Variants in HOXB9 observed in about 807,000 individuals in gnomAD.
HOXB9 encodes the protein homeobox protein Hox-B9.
Under a neutral mutation model 21.5 loss-of-function variants are expected in HOXB9, and 10 were observed. The observed-to-expected ratio is 0.47, with a 90% CI of 0.29 to 0.79. HOXB9 has a LOEUF of 0.79. HOXB9 is among the 30% of genes least tolerant of loss of function. HOXB9 has a pLI of 0.10. For synonymous variants in HOXB9, 156 were observed against 151.2 expected, an observed-to-expected ratio of 1.03 and a Z score of -0.23; for missense variants, 375 against 338.7, an observed-to-expected ratio of 1.11 and a Z score of -0.84.
chr17:48,626,337 G>A lies in HOXB9; in HGVS notation c.-68C>T, dbSNP rs2070816859. 1 of 1,503,772 alleles carries A rather than the reference G, an allele frequency of 6.6e-7. No individual in the cohort carries two copies. The highest frequency in any genetic ancestry group is 1.3e-5 in the South Asian group (1 of 78,576). The allele number at this position is 1,503,772 out of a possible 1,614,324, so 93.2% of individuals were successfully genotyped here. ...TCGCGCGGCGGCGCCCAAGCAGGGA[G>A]AGGTGGCACCCGGACCGGTGTGAGG... On this transcript the variant is annotated 5_prime_UTR_variant, in exon 1 of 2. Transcript: ENST00000311177.
Position 48,622,874 on chromosome 17 carries a change from G to A in HOXB9, c.*26C>T, listed in dbSNP as rs776846209. On this transcript the variant is annotated 3_prime_UTR_variant, in exon 2 of 2. Coordinates refer to ENST00000311177, the MANE Select transcript of HOXB9 (RefSeq NM_024017.5). Reference sequence around the variant, plus strand: ...TAAGAGTGAGATGGGGAAGAGCTAGGGAGGACTGGGGGTAATCTTTAATCT... The same window carrying A: ...TAAGAGTGAGATGGGGAAGAGCTAGAGAGGACTGGGGGTAATCTTTAATCT... 2.0e-6 allele frequency: 3 copies of A among 1,534,378 alleles called. No individual in the cohort carries two copies. The South Asian group carries it at 3.4e-5, about 17-fold the overall frequency.
rs765450450 is a variant in HOXB9 at position 48,625,870 on chromosome 17, G to T, written c.400C>A (p.Pro134Thr). Residue 134 changes from proline (P) to threonine (T), a missense_variant, in exon 1 of 2, where the codon CCC becomes ACC. Coordinates refer to ENST00000311177, the MANE Select transcript of HOXB9 (RefSeq NM_024017.5). ...GCCGAAGTTTCCAAACTGTACTCGG[G>T]CGTGCCCTGTTTGAGCAGCTCCCCA... is the stretch of plus-strand genomic sequence containing the variant. ...APGELLKQGT[P>T]EYSLETSAGR... 6 of 1,609,158 alleles carry T rather than the reference G, an allele frequency of 3.7e-6. No homozygotes were observed. Among genetic ancestry groups the T allele is most frequent in the South Asian group, 3.3e-5 (3 of 90,190 alleles).
At chr17:48,625,409 T>A (rs1008363217) in intron 1 of HOXB9, among the ~76,000 whole-genome samples, 3 of 152,008 alleles carry the variant, frequency 2.0e-5, no homozygotes, top group Admixed American at 6.5e-5. Flanking sequence ...CCCCGCCAGC[T>A]CCTCTCCCGG....
chr17:48,626,340 GT>G lies in HOXB9; in HGVS notation c.-72del. The G allele has an allele frequency of 6.7e-7, 1 of 1,490,860 alleles. No homozygotes were observed. The highest frequency in any genetic ancestry group is 9.0e-7 in the Non-Finnish European group (1 of 1,114,336). 92.4% of individuals were successfully genotyped at this position (1,490,860 alleles called of 1,614,324 possible). On this transcript the variant is annotated 5_prime_UTR_variant, in exon 1 of 2. Transcript: ENST00000311177. ...CGCGGCGGCGCCCAAGCAGGGAGAG[GT>G]GGCACCCGGACCGGTGTGAGGGCTT...
chr17:48,626,154 G>T lies in HOXB9; in HGVS notation c.116C>A (p.Pro39Gln), dbSNP rs375090647. 6.3e-7 allele frequency: 1 copy of T among 1,596,382 alleles called. No homozygotes were observed. The highest frequency in any genetic ancestry group is 8.5e-7 in the Non-Finnish European group (1 of 1,178,226). Reference sequence around the variant, plus strand: ...GAACTCCAGGTGCTCCGCGTGGCCCGGCTGCCGCGAGCTCGCGTACTGGCC... The same window carrying T: ...GAACTCCAGGTGCTCCGCGTGGCCCTGCTGCCGCGAGCTCGCGTACTGGCC... The part of the protein sequence containing the change: ...PSGQYASSRQ[P>Q]GHAEHLEFPS... Residue 39 changes from proline (P) to glutamine (Q), a missense_variant, in exon 1 of 2, where the codon CCG becomes CAG. Transcript: ENST00000311177.
intron 1 of HOXB9, among the ~76,000 whole-genome samples, chr17:48,625,373 C>T (rs893093289): frequency 5.3e-5 from 8 of 152,228 alleles, no homozygotes; most frequent in Non-Finnish European, 1.2e-4. Flanking sequence ...CGCCGGCTCT[C>T]GGCCTCGCTG....
rs771570884 is a variant in HOXB9 at position 48,626,012 on chromosome 17, G to A, written c.258C>T (p.Gly86=). 1.3e-6 allele frequency: 2 copies of A among 1,567,140 alleles called. No homozygotes were observed. The highest frequency in any genetic ancestry group is 2.3e-5 in the South Asian group (2 of 86,548). The change falls in exon 1 of 2, where the codon GGC becomes GGT. Residue 86 remains glycine (G), a synonymous_variant. Transcript: ENST00000311177. The part of the protein sequence containing the change: ...SVYHPYIQPQ[G]VPPAESRYLR... ...GGTACCTGCTCTCGGCCGGCGGGAC[G>A]CCCTGGGGCTGGATGTAAGGGTGGT...
At chr17:48,623,232 T>A in intron 1 of HOXB9, 97 bp from the exon 2 acceptor site, 1 of 962,952 alleles carries the variant, frequency 1.0e-6, no homozygotes, top group Non-Finnish European at 1.6e-6. Context: ...CATCTTGCAC[T>A]GGAGAAGAGG....
rs749246173 is a variant in HOXB9 at position 48,623,068 on chromosome 17, G to A, written c.585C>T (p.Tyr195=). 6.2e-7 allele frequency: 1 copy of A among 1,614,236 alleles called. No homozygotes were observed. Among genetic ancestry groups the A allele is most frequent in the South Asian group, 1.1e-5 (1 of 91,084 alleles). ...SRKKRCPYTK[Y]QTLELEKEFL... Reference sequence around the variant, plus strand: ...ACTCCTTCTCTAGCTCCAGCGTCTGGTATTTGGTGTAGGGACAGCGCTTTT... The same window carrying A: ...ACTCCTTCTCTAGCTCCAGCGTCTGATATTTGGTGTAGGGACAGCGCTTTT... Residue 195 remains tyrosine (Y), a synonymous_variant, in exon 2 of 2, where the codon TAC becomes TAT. Transcript: ENST00000311177.
Position 48,622,778 on chromosome 17 carries a change from G to A in HOXB9, c.*122C>T, listed in dbSNP as rs1188821019. ...GTTCTAGGTGCAGATAAAGGACTTG[G>A]AAGAGAGACTCCCTTCCCCATTCAC... is the stretch of plus-strand genomic sequence containing the variant. On this transcript the variant is annotated 3_prime_UTR_variant, in exon 2 of 2. Coordinates refer to ENST00000311177, the MANE Select transcript of HOXB9 (RefSeq NM_024017.5). 18 of 700,460 alleles carry A rather than the reference G, an allele frequency of 2.6e-5. No individual in the cohort carries two copies. The highest frequency in any genetic ancestry group is 3.4e-5 in the Non-Finnish European group (14 of 414,088). 43.4% of individuals were successfully genotyped at this position (700,460 alleles called of 1,614,324 possible).
chr17:48,621,163 T>C lies in HOXB9; in HGVS notation c.*1737A>G, dbSNP rs992351907. ...AATAAGACACAGGAGAGATTTATTTTCTAGAGTGATATATATTTTTTGTTC... is the reference window on the plus strand; with the variant it reads ...AATAAGACACAGGAGAGATTTATTTCCTAGAGTGATATATATTTTTTGTTC... On this transcript the variant is annotated 3_prime_UTR_variant, in exon 2 of 2. Coordinates refer to ENST00000311177, the MANE Select transcript of HOXB9 (RefSeq NM_024017.5). The C allele has an allele frequency of 1.3e-5, 2 of 152,696 alleles. No homozygotes were observed. The highest frequency in any genetic ancestry group is 4.8e-5 in the African/African-American group (2 of 41,544). 9.5% of individuals were successfully genotyped at this position (152,696 alleles called of 1,614,324 possible).
chr17:48,623,516 TC>T (rs1289632452), intron 1 of HOXB9, among the ~76,000 whole-genome samples: 1 of 152,076 alleles, frequency 6.6e-6, no homozygotes, highest in Non-Finnish European at 1.5e-5. Context: ...ACCTGAAGGG[TC>T]CTGGCTCTAG....
Position 48,621,304 on chromosome 17 carries a change from C to G in HOXB9, c.*1596G>C, listed in dbSNP as rs1597894744. On this transcript the variant is annotated 3_prime_UTR_variant, in exon 2 of 2. Transcript: ENST00000311177. ...ACTGAAAACAAGCGAGACAATCACCCCCAAAGAAATCACGAAACACAAGCA... is the reference window on the plus strand; with the variant it reads ...ACTGAAAACAAGCGAGACAATCACCGCCAAAGAAATCACGAAACACAAGCA... 1 of 152,440 alleles carries G rather than the reference C, an allele frequency of 6.6e-6. No individual in the cohort carries two copies. Among genetic ancestry groups the G allele is most frequent in the Admixed American group, 6.6e-5 (1 of 15,264 alleles). The allele number at this position is 152,440 out of a possible 1,614,324, so 9.4% of individuals were successfully genotyped here.
Position 48,622,474 on chromosome 17 carries a change from C to T in HOXB9, c.*426G>A. The T allele has an allele frequency of 6.0e-6, 1 of 167,566 alleles. No homozygotes were observed. The highest frequency in any genetic ancestry group is 1.3e-5 in the Non-Finnish European group (1 of 76,836). 10.4% of individuals were successfully genotyped at this position (167,566 alleles called of 1,614,324 possible). Reference sequence around the variant, plus strand: ...ACTGAATGGTGGTTGTGAGCTCACCCCATTACTGTGTGTGGATGTCTGCTG... The same window carrying T: ...ACTGAATGGTGGTTGTGAGCTCACCTCATTACTGTGTGTGGATGTCTGCTG... On this transcript the variant is annotated 3_prime_UTR_variant, in exon 2 of 2. Coordinates refer to ENST00000311177, the MANE Select transcript of HOXB9 (RefSeq NM_024017.5).
At position 48,622,753 on chromosome 17, in the gene HOXB9, G is replaced by A. The variant is rs2070780744; in HGVS notation, c.*147C>T. 3.2e-6 allele frequency: 2 copies of A among 620,528 alleles called. No homozygotes were observed. Among genetic ancestry groups the A allele is most frequent in the Non-Finnish European group, 5.7e-6 (2 of 352,760 alleles). The allele number at this position is 620,528 out of a possible 1,614,324, so 38.4% of individuals were successfully genotyped here. On this transcript the variant is annotated 3_prime_UTR_variant, in exon 2 of 2. Coordinates refer to ENST00000311177, the MANE Select transcript of HOXB9 (RefSeq NM_024017.5). The stretch of plus-strand genomic sequence containing the variant: ...GGTAAGGGCAAAGGAAAGGAGGGAG[G>A]TTCTAGGTGCAGATAAAGGACTTGG...
Position 48,626,136 on chromosome 17 carries a change from A to G in HOXB9, c.134T>C (p.Leu45Pro). The change falls in exon 1 of 2, where the codon CTG becomes CCG. Residue 45 changes from leucine to proline, a missense_variant. Transcript: ENST00000311177. Reference protein sequence around the residue: ...SSRQPGHAEHLEFPSCSFQPK... With the variant: ...SSRQPGHAEHPEFPSCSFQPK... Reference sequence around the variant, plus strand: ...CTGGAAGCTGCACGAGGGGAACTCCAGGTGCTCCGCGTGGCCCGGCTGCCG... The same window carrying G: ...CTGGAAGCTGCACGAGGGGAACTCCGGGTGCTCCGCGTGGCCCGGCTGCCG... 1 of 1,592,140 alleles carries G rather than the reference A, an allele frequency of 6.3e-7. No homozygotes were observed. Among genetic ancestry groups the G allele is most frequent in the Non-Finnish European group, 8.5e-7 (1 of 1,175,936 alleles).
chr17:48,624,496 G>T (rs2070795662), intron 1 of HOXB9, among the ~76,000 whole-genome samples: 1 of 152,124 alleles, frequency 6.6e-6, no homozygotes, highest in African/African-American at 2.4e-5. Flanking sequence ...CAGCTCTTAG[G>T]ATTCCACCTG....
In HOXB9 at chr17:48,622,522, C is replaced by G; in HGVS notation, c.*378G>C. 2 of 210,668 alleles carry G rather than the reference C, an allele frequency of 9.5e-6. No individual in the cohort carries two copies. Among genetic ancestry groups the G allele is most frequent in the South Asian group, 8.4e-5 (1 of 11,844 alleles). 13.0% of individuals were successfully genotyped at this position (210,668 alleles called of 1,614,324 possible). ...CTGAGCTGTGTAGAGTTGGAGTGTC[C>G]CTGGGTGACTTTTGGGTGGGTGTAG... On this transcript the variant is annotated 3_prime_UTR_variant, in exon 2 of 2. Coordinates refer to ENST00000311177, the MANE Select transcript of HOXB9 (RefSeq NM_024017.5).
chr17:48,622,871 T>G lies in HOXB9; in HGVS notation c.*29A>C. 2 of 1,519,596 alleles carry G rather than the reference T, an allele frequency of 1.3e-6. No homozygotes were observed. The highest frequency in any genetic ancestry group is 9.1e-7 in the Non-Finnish European group (1 of 1,095,490). The allele number at this position is 1,519,596 out of a possible 1,614,324, so 94.1% of individuals were successfully genotyped here. A position where few individuals can be genotyped will look rare whatever the true frequency, so the allele number is the denominator to read the frequency against. ...AACTAAGAGTGAGATGGGGAAGAGC[T>G]AGGGAGGACTGGGGGTAATCTTTAA... is the stretch of plus-strand genomic sequence containing the variant. On this transcript the variant is annotated 3_prime_UTR_variant, in exon 2 of 2. Transcript: ENST00000311177.
Sources: gnomAD v4.1 joint callset for allele counts (sites outside exome capture counted in the v4.1 genomes callset) on GRCh38, gnomAD v4.1.1 for gene constraint, MANE v1.5 for transcripts, NCBI Gene and HGNC (gene_info 2026-07-23, HGNC 2026-07-21) for gene names.